The following ALCAM variants were observed in gnomAD, a reference collection of about 807,000 sequenced individuals.
ALCAM encodes activated leukocyte cell adhesion molecule.
A neutral mutation model predicts 70.9 loss-of-function variants in ALCAM; 30 were observed. That is an observed-to-expected ratio of 0.42 (90% CI 0.32 to 0.57). ALCAM has a LOEUF of 0.57. Ranked by LOEUF, ALCAM falls within the 20% of genes least tolerant of loss-of-function variation. The pLI is 0.11. For missense variants in ALCAM, 591 were observed against 695.1 expected, an observed-to-expected ratio of 0.85 and a Z score of 1.68; for synonymous variants, 249 against 242.5, an observed-to-expected ratio of 1.03 and a Z score of -0.25.
At position 105,399,790 on chromosome 3, in the gene ALCAM, A is replaced by G. The variant is rs75630512; in HGVS notation, c.73+32309A>G. Among the ~76,000 whole-genome samples the G allele has an allele frequency of 5.6e-3, 859 of 152,236 alleles. 7 individuals are homozygous for G. The highest frequency in any genetic ancestry group is 0.02 in the African/African-American group (829 of 41,554). On this transcript the variant is annotated intron_variant, in intron 1 of 15. Transcript: ENST00000306107. The stretch of plus-strand genomic sequence containing the variant: ...CAAGAGCCAGTCAGTTCCCACAAAG[A>G]CAACAAGAGCCACTCTGTTTGGAAA...
At chr3:105,481,490 C>T (rs1026000463) in intron 1 of ALCAM, among the ~76,000 whole-genome samples, 2 of 151,888 alleles carry the variant, frequency 1.3e-5, no homozygotes, top group African/African-American at 4.8e-5. Context: ...TTATGGGTCA[C>T]CAAGTTAAAA....
intron 1 of ALCAM, among the ~76,000 whole-genome samples, chr3:105,470,128 T>TACACACACAC (rs1399493891): frequency 5.0e-5 from 2 of 40,278 alleles, no homozygotes; most frequent in Non-Finnish European, 1.1e-4. Flanking sequence ...ATATGTTATA[T>TACACACACAC]ACATACACAC....
chr3:105,504,149 A>C (rs1938998768), intron 1 of ALCAM, among the ~76,000 whole-genome samples: 1 of 152,222 alleles, frequency 6.6e-6, no homozygotes. Context: ...CTCACAGGGC[A>C]TGCGACAGGG....
intron 1 of ALCAM, among the ~76,000 whole-genome samples, chr3:105,381,115 A>T (rs1417404376): frequency 6.6e-6 from 1 of 151,956 alleles, no homozygotes; most frequent in Non-Finnish European, 1.5e-5. Flanking sequence ...ATCTTGTAGG[A>T]TAGCTGTGAA....
At chr3:105,416,722 T>C (rs999214371) in intron 1 of ALCAM, among the ~76,000 whole-genome samples, 3 of 152,022 alleles carry the variant, frequency 2.0e-5, no homozygotes, top group African/African-American at 7.2e-5. Flanking sequence ...ATTCTTAAGT[T>C]CAAGCCACCA....
intron 1 of ALCAM, among the ~76,000 whole-genome samples, chr3:105,466,717 A>G (rs1937748342): frequency 6.6e-6 from 1 of 151,428 alleles, no homozygotes; most frequent in Non-Finnish European, 1.5e-5. Flanking sequence ...AATTAGTGAC[A>G]AATGACCTGA....
intron 1 of ALCAM, among the ~76,000 whole-genome samples, chr3:105,514,847 T>A (rs1281403988): frequency 1.3e-5 from 2 of 151,978 alleles, no homozygotes; most frequent in African/African-American, 2.4e-5. Flanking sequence ...AAAATGAATT[T>A]TGAATAAACA....
chr3:105,486,238 T>C (rs537634712), intron 1 of ALCAM, among the ~76,000 whole-genome samples: 2 of 152,136 alleles, frequency 1.3e-5, no homozygotes, highest in East Asian at 1.9e-4. Flanking sequence ...AATTATTGAA[T>C]GAAGAGCCTA....
At chr3:105,471,627 A>G (rs537127544) in intron 1 of ALCAM, among the ~76,000 whole-genome samples, 1 of 150,640 alleles carries the variant, frequency 6.6e-6, no homozygotes, top group African/African-American at 2.4e-5. Flanking sequence ...TATTGGATTA[A>G]TCATGAAAAA....
At chr3:105,466,512 A>AT (rs1334771576) in intron 1 of ALCAM, among the ~76,000 whole-genome samples, 6 of 150,990 alleles carry the variant, frequency 4.0e-5, no homozygotes, top group Non-Finnish European at 7.4e-5. Context: ...TCTTTCTGGA[A>AT]TTTTTTTTTA....
chr3:105,459,576 A>C (rs1195060726), intron 1 of ALCAM, among the ~76,000 whole-genome samples: 3 of 152,068 alleles, frequency 2.0e-5, no homozygotes, highest in African/African-American at 7.2e-5. Flanking sequence ...GTTTATTTGC[A>C]AAATTGCCTT....
At chr3:105,573,980 C>T (rs1438628255) in intron 15 of ALCAM, among the ~76,000 whole-genome samples, 1 of 152,110 alleles carries the variant, frequency 6.6e-6, no homozygotes, top group Non-Finnish European at 1.5e-5. Context: ...AACTGGATTG[C>T]TTCTCTATCT....
chr3:105,520,170 A>G lies in ALCAM; in HGVS notation c.174+3A>G, dbSNP rs1487396466. On this transcript the variant is annotated splice_donor_region_variant and intron_variant, in intron 2 of 15. Transcript: ENST00000306107. ...TCATGTTTGGCAAATGGAAATATGTAAGTGTGACCTACCTGGGACTTGGTT... is the reference window on the plus strand; with the variant it reads ...TCATGTTTGGCAAATGGAAATATGTGAGTGTGACCTACCTGGGACTTGGTT... 25 of 1,594,392 alleles carry G rather than the reference A, an allele frequency of 1.6e-5. No individual in the cohort carries two copies. Among genetic ancestry groups the G allele is most frequent in the Non-Finnish European group, 2.1e-5 (24 of 1,162,386 alleles).
intron 1 of ALCAM, among the ~76,000 whole-genome samples, chr3:105,392,138 G>T (rs987796868): frequency 1.3e-5 from 2 of 152,046 alleles, no homozygotes; most frequent in Non-Finnish European, 1.5e-5. Context: ...AGTTTCAGAA[G>T]AAATGGTATC....
intron 1 of ALCAM, among the ~76,000 whole-genome samples, chr3:105,475,382 C>A (rs1223996473): frequency 6.6e-6 from 1 of 151,962 alleles, no homozygotes; most frequent in Non-Finnish European, 1.5e-5. Flanking sequence ...GGAGAAATCA[C>A]TCAGGTAAAT....
intron 1 of ALCAM, among the ~76,000 whole-genome samples, chr3:105,477,799 G>A (rs1576189567): frequency 6.6e-6 from 1 of 151,910 alleles, no homozygotes; most frequent in East Asian, 1.9e-4. Context: ...TATGTAATAT[G>A]TTTTATCTCT....
At chr3:105,478,686 G>C (rs1274249304) in intron 1 of ALCAM, among the ~76,000 whole-genome samples, 1 of 152,038 alleles carries the variant, frequency 6.6e-6, no homozygotes, top group Non-Finnish European at 1.5e-5. Context: ...AGTACAATAA[G>C]AGCTTTTCTA....
intron 1 of ALCAM, among the ~76,000 whole-genome samples, chr3:105,470,658 C>A (rs915861158): frequency 1.1e-4 from 17 of 151,128 alleles, no homozygotes; most frequent in Non-Finnish European, 2.1e-4. Flanking sequence ...CACAAGAGAA[C>A]CTTCTGTGGC....
At chr3:105,507,102 T>C (rs1939098531) in intron 1 of ALCAM, among the ~76,000 whole-genome samples, 1 of 152,198 alleles carries the variant, frequency 6.6e-6, no homozygotes, top group South Asian at 2.1e-4. Flanking sequence ...ATTAATAGAC[T>C]ATTTTTATCT....
Sources: gnomAD v4.1 joint callset for allele counts (sites outside exome capture counted in the v4.1 genomes callset) on GRCh38, gnomAD v4.1.1 for gene constraint, MANE v1.5 for transcripts, NCBI Gene and HGNC (gene_info 2026-07-23, HGNC 2026-07-21) for gene names.